Variants in NCOR1 observed in about 807,000 individuals in gnomAD.
The protein encoded by NCOR1 is protein phosphatase 1, regulatory subunit 109.
Under a neutral mutation model 288.1 loss-of-function variants are expected in NCOR1, and 63 were observed. The ratio of observed to expected loss-of-function variants is 0.22; its 90% CI spans 0.18 to 0.27. The LOEUF (loss-of-function observed/expected upper bound fraction) is 0.27. Ranked by LOEUF, NCOR1 falls within the 10% of genes least tolerant of loss-of-function variation. NCOR1 has a pLI of 1.00. For synonymous variants in NCOR1, 1,007 were observed against 1,065.9 expected (o/e 0.94, Z 1.08); for missense variants, 2,397 against 3,019.2 (o/e 0.79, Z 4.83).
At chr17:16,199,210 A>ACACACACACACACACACAC (rs1555813660) in intron 1 of NCOR1, among the ~76,000 whole-genome samples, 125 of 109,204 alleles carry the variant, frequency 1.1e-3, no homozygotes, top group African/African-American at 4.3e-3. Flanking sequence ...GAAGGAAAAA[A>ACACACACACACACACACAC]AAAAAAACAC....
intron 13 of NCOR1, 29 bp downstream of exon 13, chr17:16,138,129 A>G (rs778726469): frequency 1.9e-6 from 3 of 1,585,948 alleles, no homozygotes; most frequent in African/African-American, 1.4e-5. Flanking sequence ...ACAAACCTAC[A>G]AACACTCCCA....
At chr17:16,150,453 C>T (rs2078670426) in intron 8 of NCOR1, among the ~76,000 whole-genome samples, 1 of 152,156 alleles carries the variant, frequency 6.6e-6, no homozygotes, top group Non-Finnish European at 1.5e-5. Flanking sequence ...TACAGGGAAG[C>T]ATTACCATAT....
At chr17:16,185,409 T>G (rs2086436121) in intron 3 of NCOR1, among the ~76,000 whole-genome samples, 2 of 150,032 alleles carry the variant, frequency 1.3e-5, no homozygotes, top group Non-Finnish European at 3.0e-5. Flanking sequence ...TCTGGCGAGG[T>G]GCAGTGGCTC....
intron 18 of NCOR1, among the ~76,000 whole-genome samples, chr17:16,113,631 G>A (rs1333592356): frequency 2.0e-5 from 3 of 152,234 alleles, no homozygotes; most frequent in African/African-American, 4.8e-5. Flanking sequence ...GGTGGCTCAC[G>A]CCTGTAATCC....
At chr17:16,145,552 C>T (rs2077805384) in intron 10 of NCOR1, among the ~76,000 whole-genome samples, 1 of 148,686 alleles carries the variant, frequency 6.7e-6, no homozygotes, top group Non-Finnish European at 1.5e-5. Context: ...CCCGCCGCCA[C>T]CCTGTCTGGG....
At chr17:16,187,537 GT>G (rs2086923410) in intron 2 of NCOR1, among the ~76,000 whole-genome samples, 1 of 113,050 alleles carries the variant, frequency 8.8e-6, no homozygotes, top group Non-Finnish European at 2.1e-5. Context: ...ATTATACTAA[GT>G]TTAAAAAAAA....
At chr17:16,158,244 G>A (rs1310441818) in intron 6 of NCOR1, among the ~76,000 whole-genome samples, 3 of 152,186 alleles carry the variant, frequency 2.0e-5, no homozygotes, top group African/African-American at 7.2e-5. Flanking sequence ...AAAGTACTGG[G>A]ATTATGGGCA....
intron 18 of NCOR1, 43 bp from the exon 19 acceptor site, chr17:16,108,955 GA>G (rs545289248): frequency 8.6e-5 from 125 of 1,454,572 alleles, no homozygotes; most frequent in South Asian, 3.2e-4. Context: ...TAACTAAAAA[GA>G]AAAAAAAATT....
rs1196295736 is a variant in NCOR1, at chr17:16,073,488, T to C, written c.3752A>G (p.Glu1251Gly). 1.9e-6 allele frequency: 3 copies of C among 1,612,524 alleles called. No homozygotes were observed. Among genetic ancestry groups the C allele is most frequent in the Non-Finnish European group, 2.5e-6 (3 of 1,179,248 alleles). ...ISLKRSYESV[E>G]GNIKQGMSMR... ...TGACATCCCTTGCTTTATATTTCCT[T>C]CCACTGATTCATAGCTTCTCTTTAA... The change falls in exon 28 of 46, where the codon GAA (glutamate) becomes GGA (glycine). Residue 1251 changes from glutamate to glycine, a missense_variant. By Grantham distance (98) the Glu-to-Gly change is moderately conservative. Coordinates refer to ENST00000268712, the MANE Select transcript of NCOR1 (RefSeq NM_006311.4).
At chr17:16,135,930 C>T (rs1243614013) in intron 14 of NCOR1, among the ~76,000 whole-genome samples, 1 of 152,160 alleles carries the variant, frequency 6.6e-6, no homozygotes, top group Non-Finnish European at 1.5e-5. Flanking sequence ...TTTAATAATG[C>T]TAATGAATCG....
chr17:16,197,804 G>A (rs1028671188), intron 1 of NCOR1, among the ~76,000 whole-genome samples: 1 of 152,098 alleles, frequency 6.6e-6, no homozygotes, highest in African/African-American at 2.4e-5. Flanking sequence ...ATGTGGCATC[G>A]TGAGGAGGGT....
At chr17:16,186,863 T>C (rs1482153261) in intron 2 of NCOR1, among the ~76,000 whole-genome samples, 176 bp from the exon 3 acceptor site, 1 of 152,166 alleles carries the variant, frequency 6.6e-6, no homozygotes, top group East Asian at 1.9e-4. Context: ...TTTAACTATA[T>C]ATCATTAAAA....
In NCOR1 at chr17:16,215,504, T is replaced by C. The variant is rs1374939408; in HGVS notation, c.-213A>G. On this transcript the variant is annotated 5_prime_UTR_variant, in exon 1 of 46. Coordinates refer to ENST00000268712, the MANE Select transcript of NCOR1 (RefSeq NM_006311.4). ...CAGCCGCCGCCGCCGCCGCGGCTGC[T>C]GCTTCGCCACCTTGGCCGCCATCTT... 4 of 398,580 alleles carry C rather than the reference T, an allele frequency of 1.0e-5. No individual in the cohort carries two copies. Among genetic ancestry groups the C allele is most frequent in the Middle Eastern group, 6.2e-4 (1 of 1,608 alleles). 24.7% of individuals were successfully genotyped at this position (398,580 alleles called of 1,614,324 possible). A position where few individuals can be genotyped will look rare whatever the true frequency, so the allele number is the denominator to read the frequency against.
intron 14 of NCOR1, among the ~76,000 whole-genome samples, chr17:16,127,277 ATATACGTGTATATATG>A (rs1357614840): frequency 1.0e-5 from 1 of 98,058 alleles, no homozygotes; most frequent in African/African-American, 3.9e-5. Context: ...ATGTATGTAT[ATATACGTGTATATATG>A]TATGTATGTA....
intron 15 of NCOR1, among the ~76,000 whole-genome samples, chr17:16,125,320 G>A (rs558023670): frequency 2.0e-5 from 3 of 152,252 alleles, no homozygotes; most frequent in East Asian, 1.9e-4. Context: ...CCAAGATTGC[G>A]CCACTGCACT....
intron 4 of NCOR1, among the ~76,000 whole-genome samples, chr17:16,165,952 T>G (rs1386517921): frequency 2.6e-5 from 4 of 152,170 alleles, no homozygotes; most frequent in Admixed American, 2.0e-4. Flanking sequence ...ATGAGGGTAG[T>G]TCACAGGATT....
At position 16,058,016 on chromosome 17, in the gene NCOR1, T is replaced by A; in HGVS notation, c.6059A>T (p.Gln2020Leu). ...YEGPLHHYRP[Q>L]QESPSPQQQL... Reference sequence around the variant, plus strand: ...TTGTTGGGGAGATGGTGATTCCTGCTGTGGTCGATAGTGATGTAATGGTCC... The same window carrying A: ...TTGTTGGGGAGATGGTGATTCCTGCAGTGGTCGATAGTGATGTAATGGTCC... Residue 2020 changes from glutamine to leucine, a missense_variant, in exon 39 of 46, where the codon CAG (glutamine) becomes CTG (leucine). Physicochemically the swap from Gln to Leu is moderately radical, Grantham distance 113 (BLOSUM62 -2). Around this residue, in one of 11 missense-constraint regions of NCOR1, gnomAD observed 1,872 missense variants for 2,187.8 expected, o/e 0.86. Coordinates refer to ENST00000268712, the MANE Select transcript of NCOR1 (RefSeq NM_006311.4). The A allele has an allele frequency of 6.2e-7, 1 of 1,614,204 alleles. No individual in the cohort carries two copies. The highest frequency in any genetic ancestry group is 8.5e-7 in the Non-Finnish European group (1 of 1,180,036).
intron 22 of NCOR1, among the ~76,000 whole-genome samples, chr17:16,091,102 C>T (rs2065101618): frequency 6.6e-6 from 1 of 152,072 alleles, no homozygotes; most frequent in African/African-American, 2.4e-5. Flanking sequence ...GTGTATCACA[C>T]ACCAACTAAA....
intron 40 of NCOR1, among the ~76,000 whole-genome samples, chr17:16,056,782 TATAAC>T (rs1307173006): frequency 6.6e-6 from 1 of 152,154 alleles, no homozygotes; most frequent in African/African-American, 2.4e-5. Flanking sequence ...AGCCCTGGCA[TATAAC>T]ATGTTTCCAC....
Sources: gnomAD v4.1 joint callset for allele counts (sites outside exome capture counted in the v4.1 genomes callset) on GRCh38, gnomAD v4.1.1 for gene constraint, gnomAD v4.1.1 regional missense constraint, MANE v1.5 for transcripts, NCBI Gene and HGNC (gene_info 2026-07-23, HGNC 2026-07-21) for gene names.